NAV1: variants seen among roughly 807,000 people sequenced by gnomAD.
NAV1 encodes the protein neuron navigator 1, also known as pore membrane and/or filament interacting like protein 3.
In NAV1, 18 loss-of-function variants were observed where a neutral mutation model predicts 175.2. The observed-to-expected ratio is 0.10, with a 90% confidence interval of 0.07 to 0.15. The LOEUF (loss-of-function observed/expected upper bound fraction) is 0.15. Among genes scored for constraint, NAV1 ranks in the 10% least tolerant of loss-of-function variants. The pLI is 1.00. For synonymous variants in NAV1, 897 were observed against 978.7 expected, an observed-to-expected ratio of 0.92 and a Z score of 1.56; for missense variants, 1,731 against 2,436.6, an observed-to-expected ratio of 0.71 and a Z score of 6.10.
chr1:201,665,958 A>C (rs1669808331), intron 1 of NAV1, among the ~76,000 whole-genome samples: 1 of 152,012 alleles, frequency 6.6e-6, no homozygotes, highest in African/African-American at 2.4e-5. Flanking sequence ...TTTGACTATG[A>C]CTGGTACCCA....
upstream of NAV1, among the ~76,000 whole-genome samples, chr1:201,618,569 G>A (rs1352602271): frequency 1.3e-5 from 2 of 152,050 alleles, no homozygotes; most frequent in African/African-American, 4.8e-5. Context: ...TGATCATGGA[G>A]GTTGGGGGTG....
intron 3 of NAV1, among the ~76,000 whole-genome samples, chr1:201,757,747 C>G (rs558745699): frequency 2.6e-5 from 4 of 152,204 alleles, no homozygotes; most frequent in Non-Finnish European, 5.9e-5. Context: ...AAAGCCTAAG[C>G]TGTGGGGCAT....
intron 2 of NAV1, among the ~76,000 whole-genome samples, chr1:201,605,188 T>G (rs1667640670): frequency 6.6e-6 from 1 of 151,180 alleles, no homozygotes; most frequent in South Asian, 2.1e-4. Flanking sequence ...CATGCCTTTG[T>G]GTTGCCCCTA....
chr1:201,685,639 C>A (rs762890082), intron 1 of NAV1, among the ~76,000 whole-genome samples: 5 of 152,186 alleles, frequency 3.3e-5, no homozygotes, highest in African/African-American at 9.7e-5. Flanking sequence ...CCCTGCCTGT[C>A]CCCCTTGGCC....
At chr1:201,775,091 AAC>A (rs1675853311) in intron 3 of NAV1, among the ~76,000 whole-genome samples, 1 of 152,092 alleles carries the variant, frequency 6.6e-6, no homozygotes, top group African/African-American at 2.4e-5. Context: ...TTATAGAAAA[AAC>A]ACTTAGACTC....
chr1:201,675,640 C>A (rs1008987744), intron 1 of NAV1, among the ~76,000 whole-genome samples: 1 of 152,226 alleles, frequency 6.6e-6, no homozygotes, highest in African/African-American at 2.4e-5. Context: ...TTCCCTCCAT[C>A]TTCTTCCCCA....
chr1:201,801,243 T>C (rs1241491115), intron 15 of NAV1, among the ~76,000 whole-genome samples: 1 of 152,230 alleles, frequency 6.6e-6, no homozygotes, highest in East Asian at 1.9e-4. Context: ...TTTGTAGTTA[T>C]AGCATCAGAT....
At chr1:201,612,498 C>T (rs1667878523) in intron 2 of NAV1, among the ~76,000 whole-genome samples, 1 of 152,096 alleles carries the variant, frequency 6.6e-6, no homozygotes, top group South Asian at 2.1e-4. Context: ...ATTTATTGCT[C>T]ACGGTTCTGG....
intron 1 of NAV1, among the ~76,000 whole-genome samples, chr1:201,543,738 T>C (rs558146545): frequency 6.6e-6 from 1 of 152,366 alleles, no homozygotes; most frequent in South Asian, 2.1e-4. Context: ...TGCATTTGCA[T>C]TGTTGTATAA....
At chr1:201,730,999 T>C (rs771559469) in intron 3 of NAV1, among the ~76,000 whole-genome samples, 14 of 151,898 alleles carry the variant, frequency 9.2e-5, no homozygotes, top group Non-Finnish European at 1.8e-4. Flanking sequence ...AGTGTGACGA[T>C]GGAACAAGCA....
intron 3 of NAV1, among the ~76,000 whole-genome samples, chr1:201,777,233 T>C (rs1338863562): frequency 1.3e-5 from 2 of 152,096 alleles, no homozygotes; most frequent in African/African-American, 4.8e-5. Flanking sequence ...TTAAGTCAGG[T>C]ATAGAGAATC....
At chr1:201,764,457 G>A (rs577674152) in intron 3 of NAV1, among the ~76,000 whole-genome samples, 128 of 152,260 alleles carry the variant, frequency 8.4e-4, no homozygotes, top group South Asian at 5.2e-3. Flanking sequence ...GAGCTCTCTG[G>A]TGTCTCCTTT....
intron 2 of NAV1, among the ~76,000 whole-genome samples, chr1:201,717,388 G>T (rs1353792874): frequency 6.6e-6 from 1 of 152,202 alleles, no homozygotes; most frequent in Non-Finnish European, 1.5e-5. Context: ...GCCTGAGGCT[G>T]ATTTGGGCTG....
At chr1:201,721,022 G>A (rs1265963074) in intron 3 of NAV1, among the ~76,000 whole-genome samples, 3 of 151,976 alleles carry the variant, frequency 2.0e-5, no homozygotes, top group Non-Finnish European at 2.9e-5. Context: ...TAACACCCTT[G>A]CTTTATCCTC....
intron 3 of NAV1, among the ~76,000 whole-genome samples, chr1:201,731,676 G>C (rs1466894522): frequency 6.6e-6 from 1 of 152,156 alleles, no homozygotes; most frequent in Non-Finnish European, 1.5e-5. Context: ...CTACTTTGAA[G>C]TCTGGCTTCT....
At position 201,748,007 on chromosome 1, in the gene NAV1, C is replaced by T. The variant is rs537755963; in HGVS notation, c.1226+29252C>T. The stretch of plus-strand genomic sequence containing the variant: ...TGCCGAACAACTTTGCAGACACCTT[C>T]TAGGCTAGTGTTGAGCTGACCCTGG... On this transcript the variant is annotated intron_variant, in intron 3 of 29. Transcript: ENST00000367296. Among the ~76,000 whole-genome samples, 6 of 152,326 alleles carry T rather than the reference C, an allele frequency of 3.9e-5. No homozygotes were observed. In the South Asian group the frequency reaches 6.2e-4, roughly 16 times the overall value.
intron 3 of NAV1, among the ~76,000 whole-genome samples, chr1:201,745,694 C>T (rs568763268): frequency 8.5e-5 from 13 of 152,262 alleles, no homozygotes; most frequent in Admixed American, 7.8e-4. Flanking sequence ...GCCACTCCTC[C>T]CTAGACTAAA....
chr1:201,806,543 C>G (rs930125164), intron 17 of NAV1, among the ~76,000 whole-genome samples: 1 of 152,174 alleles, frequency 6.6e-6, no homozygotes, highest in Non-Finnish European at 1.5e-5. Flanking sequence ...CACACACACA[C>G]AGCATCCCAT....
chr1:201,815,313 G>A (rs1280540418), intron 28 of NAV1, among the ~76,000 whole-genome samples: 4 of 152,130 alleles, frequency 2.6e-5, no homozygotes, highest in South Asian at 2.1e-4. Flanking sequence ...AAGCTGAGGC[G>A]AGAGGATCTC....
Sources: gnomAD v4.1 joint callset for allele counts (sites outside exome capture counted in the v4.1 genomes callset) on GRCh38, gnomAD v4.1.1 for gene constraint, MANE v1.5 for transcripts, NCBI Gene and HGNC (gene_info 2026-07-23, HGNC 2026-07-21) for gene names.